Variants in ASTN2 observed in about 807,000 individuals in gnomAD.
ASTN2 encodes astrotactin-2.
Under a neutral mutation model 139.8 loss-of-function variants are expected in ASTN2, and 54 were observed. That is an observed-to-expected ratio of 0.39 (90% CI 0.31 to 0.48). The LOEUF (loss-of-function observed/expected upper bound fraction) is 0.48. Ranked by LOEUF, ASTN2 falls within the 20% of genes least tolerant of loss-of-function variation. The pLI is 0.95. For synonymous variants in ASTN2, 756 were observed against 719.5 expected (o/e 1.05, Z -0.81); for missense variants, 1,565 against 1,725.1 (o/e 0.91, Z 1.64).
At chr9:117,216,633 CT>C (rs1415946661) in intron 2 of ASTN2, among the ~76,000 whole-genome samples, 2 of 152,134 alleles carry the variant, frequency 1.3e-5, no homozygotes, top group African/African-American at 4.8e-5. Flanking sequence ...AACAATGAAT[CT>C]TTTTTTTCCT....
chr9:117,213,083 A>G (rs371330451), intron 3 of ASTN2, among the ~76,000 whole-genome samples: 1 of 152,198 alleles, frequency 6.6e-6, no homozygotes, highest in Admixed American at 6.5e-5. Context: ...ATGTATACAC[A>G]ATGGAATACA....
intron 11 of ASTN2, among the ~76,000 whole-genome samples, chr9:116,821,179 A>G (rs1831474443): frequency 6.6e-6 from 1 of 152,172 alleles, no homozygotes; most frequent in Non-Finnish European, 1.5e-5. Flanking sequence ...AGGGTCACAT[A>G]GGGAGGCTGC....
rs564024284 is a variant in ASTN2 at position 116,704,206 on chromosome 9, T to TGTCA, written c.2806+21561_2806+21564dup. ...GTTAATTTAAATAAGGGTGTTGGTATGTCACCAAAATCCCTTCTAGCTCTA... is the reference window on the plus strand; with the variant it reads ...GTTAATTTAAATAAGGGTGTTGGTATGTCAGTCACCAAAATCCCTTCTAGCTCTA... On this transcript the variant is annotated intron_variant, in intron 16 of 22. Transcript: ENST00000313400. Among the ~76,000 whole-genome samples the TGTCA allele has an allele frequency of 1.4e-4, 22 of 152,244 alleles. No individual in the cohort carries two copies. In the South Asian group the frequency reaches 4.1e-3, roughly 29 times the overall value.
intron 16 of ASTN2, among the ~76,000 whole-genome samples, chr9:116,717,468 C>T (rs550008563): frequency 6.6e-6 from 1 of 152,244 alleles, no homozygotes; most frequent in South Asian, 2.1e-4. Flanking sequence ...TTAACCTCCT[C>T]CAGTCTCTCT....
chr9:117,218,386 C>T (rs951860445), intron 2 of ASTN2, among the ~76,000 whole-genome samples: 1 of 152,210 alleles, frequency 6.6e-6, no homozygotes. Flanking sequence ...TCACTGACCA[C>T]GTGGTTTCCG....
intron 11 of ASTN2, among the ~76,000 whole-genome samples, chr9:116,847,409 C>T (rs1355437887): frequency 6.6e-6 from 1 of 152,108 alleles, no homozygotes; most frequent in African/African-American, 2.4e-5. Context: ...CCACCGTGCC[C>T]AGCTGAGGAT....
At chr9:116,866,609 T>C (rs1241285563) in intron 10 of ASTN2, among the ~76,000 whole-genome samples, 1 of 151,918 alleles carries the variant, frequency 6.6e-6, no homozygotes, top group Non-Finnish European at 1.5e-5. Flanking sequence ...GAGGAGGAGA[T>C]AAGGCAGAGG....
At chr9:117,246,564 A>G (rs1271073100) in intron 2 of ASTN2, among the ~76,000 whole-genome samples, 1 of 152,228 alleles carries the variant, frequency 6.6e-6, no homozygotes, top group Non-Finnish European at 1.5e-5. Flanking sequence ...ATGCTGTAAA[A>G]TTGTCCATTC....
chr9:116,704,523 T>C (rs1161032625), intron 16 of ASTN2, among the ~76,000 whole-genome samples: 2 of 152,220 alleles, frequency 1.3e-5, no homozygotes, highest in Non-Finnish European at 2.9e-5. Flanking sequence ...ATAAATGGGA[T>C]AGTATATGTA....
chr9:117,060,456 G>GAAAGA (rs1402006084), intron 5 of ASTN2, among the ~76,000 whole-genome samples: 4 of 88,442 alleles, frequency 4.5e-5, no homozygotes, highest in African/African-American at 2.4e-4. Flanking sequence ...AAGAAAGAAA[G>GAAAGA]AAAGGAAGGA....
Position 117,269,901 on chromosome 9 carries a change from G to A in ASTN2, c.630+21425C>T, listed in dbSNP as rs543920727. Among the ~76,000 whole-genome samples the A allele has an allele frequency of 2.0e-5, 3 of 152,284 alleles. No individual in the cohort carries two copies. The South Asian group carries it at 6.2e-4, about 32-fold the overall frequency. On this transcript the variant is annotated intron_variant, in intron 2 of 22. Coordinates refer to ENST00000313400, the MANE Select transcript of ASTN2 (RefSeq NM_001365068.1). ...TTTTGGGGCACATACTCTGCAAGAG[G>A]CACTGTGCCACAAATTTCATATACA...
At chr9:116,440,420 G>C (rs890454801) in intron 22 of ASTN2, among the ~76,000 whole-genome samples, 189 bp downstream of exon 22, 5 of 152,132 alleles carry the variant, frequency 3.3e-5, no homozygotes, top group African/African-American at 1.2e-4. Context: ...CAGGAGTGCA[G>C]GAATCTAAAG....
intron 5 of ASTN2, among the ~76,000 whole-genome samples, chr9:117,088,841 T>C (rs1220965848): frequency 6.6e-6 from 1 of 152,110 alleles, no homozygotes; most frequent in Non-Finnish European, 1.5e-5. Context: ...CCCAAACCCA[T>C]ACAGCACAGA....
At chr9:116,527,622 T>C (rs1347733996) in intron 19 of ASTN2, among the ~76,000 whole-genome samples, 4 of 152,184 alleles carry the variant, frequency 2.6e-5, no homozygotes, top group African/African-American at 9.6e-5. Flanking sequence ...ACAACTTCCA[T>C]ATGATCCAGC....
At chr9:117,205,669 A>G (rs565305497) in intron 3 of ASTN2, among the ~76,000 whole-genome samples, 2 of 152,304 alleles carry the variant, frequency 1.3e-5, no homozygotes, top group South Asian at 4.1e-4. Flanking sequence ...AGGAGTAGAA[A>G]AGAAGAATGC....
chr9:116,545,229 C>T (rs1046031764), intron 19 of ASTN2, among the ~76,000 whole-genome samples: 2 of 152,126 alleles, frequency 1.3e-5, no homozygotes, highest in African/African-American at 4.8e-5. Flanking sequence ...TTTGAGAGGG[C>T]CTGGAGTTTC....
intron 1 of ASTN2, among the ~76,000 whole-genome samples, chr9:117,357,814 G>A (rs1439628226): frequency 6.6e-6 from 1 of 152,112 alleles, no homozygotes; most frequent in Non-Finnish European, 1.5e-5. Flanking sequence ...ATTGCTGTGA[G>A]GATTTACTTG....
chr9:117,024,019 G>A (rs74476892), intron 6 of ASTN2, among the ~76,000 whole-genome samples: 3,957 of 152,224 alleles, frequency 0.026, 75 homozygotes, highest in Non-Finnish European at 0.038. Context: ...GGCTGATGCT[G>A]CAGGTCAACT....
chr9:116,909,580 A>G (rs1834258210), intron 10 of ASTN2, among the ~76,000 whole-genome samples: 1 of 152,136 alleles, frequency 6.6e-6, no homozygotes. Flanking sequence ...TGAGATTGGG[A>G]CTGGAGCTAT....
Sources: gnomAD v4.1 joint callset for allele counts (sites outside exome capture counted in the v4.1 genomes callset) on GRCh38, gnomAD v4.1.1 for gene constraint, MANE v1.5 for transcripts, NCBI Gene and HGNC (gene_info 2026-07-23, HGNC 2026-07-21) for gene names.